AGMO: variants seen among roughly 807,000 people sequenced by gnomAD.
AGMO encodes the protein alkylglycerol monooxygenase.
Under a neutral mutation model 60.2 loss-of-function variants are expected in AGMO, and 75 were observed. The observed-to-expected ratio is 1.25, with a 90% CI of 1.03 to 1.51. The LOEUF is 1.51. Among genes scored for constraint, AGMO ranks in the 40% most tolerant of loss-of-function variants. AGMO has a pLI of 0.00. For synonymous variants in AGMO, 261 were observed against 177.1 expected (o/e 1.47, Z -3.76); for missense variants, 763 against 525.5 (o/e 1.45, Z -4.42).
At chr7:15,371,169 A>T (rs1486379250) in intron 10 of AGMO, among the ~76,000 whole-genome samples, 1 of 152,202 alleles carries the variant, frequency 6.6e-6, no homozygotes. Context: ...ACCCTAGAAG[A>T]AAACATTAAT....
At chr7:15,442,879 C>A (rs1311974129) in intron 3 of AGMO, among the ~76,000 whole-genome samples, 6 of 152,020 alleles carry the variant, frequency 3.9e-5, no homozygotes, top group Non-Finnish European at 7.4e-5. Flanking sequence ...AGCGGCTGGA[C>A]GTCAAGAGGA....
At chr7:15,320,748 T>G (rs1781084041) in intron 12 of AGMO, among the ~76,000 whole-genome samples, 1 of 152,178 alleles carries the variant, frequency 6.6e-6, no homozygotes, top group Non-Finnish European at 1.5e-5. Flanking sequence ...AATAAATGGA[T>G]GCATACAAAC....
Position 15,319,157 on chromosome 7 carries a change from C to T in AGMO, c.1263+46357G>A, listed in dbSNP as rs186301548. Among the ~76,000 whole-genome samples, 4 of 152,004 alleles carry T rather than the reference C, an allele frequency of 2.6e-5. 1 individual carries two copies. Among genetic ancestry groups the T allele is most frequent in the Admixed American group, 2.0e-4 (3 of 15,242 alleles). Reference sequence around the variant, plus strand: ...ATGCCTCAGCATAGGTTTTATTTTTCTGTAATGGCAATCTTGGCAACCAAT... The same window carrying T: ...ATGCCTCAGCATAGGTTTTATTTTTTTGTAATGGCAATCTTGGCAACCAAT... On this transcript the variant is annotated intron_variant, in intron 12 of 12. Transcript: ENST00000342526.
chr7:15,516,051 G>A (rs1347218547), intron 3 of AGMO, among the ~76,000 whole-genome samples: 1 of 152,172 alleles, frequency 6.6e-6, no homozygotes, highest in Non-Finnish European at 1.5e-5. Context: ...TAATAAGTAT[G>A]TGAGGTATGA....
chr7:15,458,798 C>T (rs999003874), intron 3 of AGMO, among the ~76,000 whole-genome samples: 4 of 152,122 alleles, frequency 2.6e-5, no homozygotes, highest in South Asian at 4.1e-4. Context: ...CACAAAATTG[C>T]AGGGCCAAGT....
intron 3 of AGMO, among the ~76,000 whole-genome samples, chr7:15,524,220 T>C (rs1002077807): frequency 6.6e-6 from 1 of 151,078 alleles, no homozygotes; most frequent in Non-Finnish European, 1.5e-5. Flanking sequence ...TTATATATAC[T>C]TTTTTTTTAT....
At chr7:15,369,220 CT>C (rs1783104329) in intron 10 of AGMO, among the ~76,000 whole-genome samples, 1 of 152,088 alleles carries the variant, frequency 6.6e-6, no homozygotes, top group South Asian at 2.1e-4. Flanking sequence ...ACTCCCCTAA[CT>C]GGTCTTCCTA....
chr7:15,125,929 T>C, the AGMO span, among the ~76,000 whole-genome samples: 2 of 152,144 alleles, frequency 1.3e-5, no homozygotes, highest in Non-Finnish European at 2.9e-5. Context: ...AAAGAAAATA[T>C]CTGTAAGTCA....
chr7:15,219,505 A>T lies in AGMO; in HGVS notation c.1264-18146T>A, dbSNP rs7810617. ...GGAAAAAAAGACAATTTTTTTTTTT[A>T]AAAGAAATTAAGAGACATTCTGAGA... is the stretch of plus-strand genomic sequence containing the variant. On this transcript the variant is annotated intron_variant, in intron 12 of 12. Transcript: ENST00000342526. Among the ~76,000 whole-genome samples the T allele has an allele frequency of 3.9e-3, 593 of 151,898 alleles. 3 individuals carry two copies. The highest frequency in any genetic ancestry group is 0.01 in the African/African-American group (435 of 41,496).
chr7:15,162,667 C>G, the AGMO span, among the ~76,000 whole-genome samples: 1 of 151,986 alleles, frequency 6.6e-6, no homozygotes, highest in Non-Finnish European at 1.5e-5. Flanking sequence ...GCACTCCAGC[C>G]TAGACAACAG....
In AGMO at chr7:15,299,607, C is replaced by G. The variant is rs185150610; in HGVS notation, c.1263+65907G>C. On this transcript the variant is annotated intron_variant, in intron 12 of 12. Transcript: ENST00000342526. The stretch of plus-strand genomic sequence containing the variant: ...TTGGGAGGCCAAGGCGGGCAGATTG[C>G]CTGAGCTCAGGAGTTCTAGAGCAGC... Among the ~76,000 whole-genome samples, 1,001 of 152,110 alleles carry G rather than the reference C, an allele frequency of 6.6e-3. 14 individuals carry two copies. Among genetic ancestry groups the G allele is most frequent in the African/African-American group, 0.023 (962 of 41,488 alleles).
intron 12 of AGMO, among the ~76,000 whole-genome samples, chr7:15,354,454 A>ATACACACACGTGTGTGTG (rs1782420339): frequency 4.9e-5 from 1 of 20,292 alleles, no homozygotes; most frequent in Non-Finnish European, 7.6e-5. Flanking sequence ...ACGTGTGTGT[A>ATACACACACGTGTGTGTG]TACACACGTG....
intron 12 of AGMO, among the ~76,000 whole-genome samples, chr7:15,337,567 T>C (rs1311355484): frequency 6.6e-6 from 1 of 152,182 alleles, no homozygotes; most frequent in Admixed American, 6.5e-5. Flanking sequence ...TGATTAAATC[T>C]ACCACTACAA....
At chr7:15,503,174 G>T (rs1228948949) in intron 3 of AGMO, among the ~76,000 whole-genome samples, 1 of 151,958 alleles carries the variant, frequency 6.6e-6, no homozygotes, top group Admixed American at 6.6e-5. Context: ...CACTTGGATA[G>T]ATGAGATGAG....
At chr7:15,401,871 C>T (rs781317863) in intron 5 of AGMO, among the ~76,000 whole-genome samples, 24 of 152,042 alleles carry the variant, frequency 1.6e-4, no homozygotes, top group Non-Finnish European at 3.2e-4. Context: ...AATGAAATCT[C>T]ATAGTGGAAT....
chr7:15,522,247 T>C (rs1307618914), intron 3 of AGMO, among the ~76,000 whole-genome samples: 1 of 152,108 alleles, frequency 6.6e-6, no homozygotes, highest in Non-Finnish European at 1.5e-5. Context: ...ATAGGACGAA[T>C]CAATATCATG....
At chr7:15,166,138 C>T in the AGMO span, among the ~76,000 whole-genome samples, 2 of 151,912 alleles carry the variant, frequency 1.3e-5, no homozygotes, top group Non-Finnish European at 2.9e-5. Flanking sequence ...CCTATTATAT[C>T]GATTCTAGAG....
At chr7:15,302,269 G>A (rs935734284) in intron 12 of AGMO, among the ~76,000 whole-genome samples, 3 of 151,646 alleles carry the variant, frequency 2.0e-5, no homozygotes, top group Non-Finnish European at 4.4e-5. Flanking sequence ...ACATTCTTTG[G>A]GAAAAAATGT....
chr7:15,125,449 A>C, the AGMO span, among the ~76,000 whole-genome samples: 1 of 152,094 alleles, frequency 6.6e-6, no homozygotes, highest in Non-Finnish European at 1.5e-5. Context: ...TTTTGATATA[A>C]AAATCATAGA....
Sources: allele counts gnomAD v4.1 joint callset (sites outside exome capture counted in the v4.1 genomes callset), GRCh38; gene constraint gnomAD v4.1.1; transcripts MANE v1.5; gene names NCBI Gene and HGNC (gene_info 2026-07-23, HGNC 2026-07-21).